The following CALN1 variants were observed in gnomAD, a reference collection of about 807,000 sequenced individuals.
The protein encoded by CALN1 is calcium-binding protein 8.
Under a neutral mutation model 30.6 loss-of-function variants are expected in CALN1, and 17 were observed. The observed-to-expected ratio is 0.56, with a 90% CI of 0.38 to 0.83. The LOEUF (loss-of-function observed/expected upper bound fraction) is 0.83, where lower values mean the gene tolerates loss of function less well. Ranked by LOEUF, CALN1 falls within the 40% of genes least tolerant of loss-of-function variation. CALN1 has a pLI of 0.00. For missense variants in CALN1, 291 were observed against 354.9 expected, an observed-to-expected ratio of 0.82 and a Z score of 1.45; for synonymous variants, 156 against 131.4, an observed-to-expected ratio of 1.19 and a Z score of -1.28.
the CALN1 span, among the ~76,000 whole-genome samples, chr7:72,483,274 C>CTTTTTT: frequency 9.3e-6 from 1 of 108,064 alleles, no homozygotes; most frequent in Non-Finnish European, 1.9e-5. Context: ...TTTCCTTTTT[C>CTTTTTT]TTTTTCTTTT....
chr7:72,090,948 AGAGAT>A (rs1187096599), intron 4 of CALN1, among the ~76,000 whole-genome samples: 1 of 152,192 alleles, frequency 6.6e-6, no homozygotes, highest in African/African-American at 2.4e-5. Flanking sequence ...TGGGGTAAGA[AGAGAT>A]GGCTAATGGG....
intron 5 of CALN1, among the ~76,000 whole-genome samples, chr7:72,012,963 T>C (rs1219157587): frequency 6.6e-6 from 1 of 152,070 alleles, no homozygotes; most frequent in Admixed American, 6.6e-5. Flanking sequence ...GCTTGGCTGA[T>C]TTTTTTGTAT....
At chr7:72,017,170 TAAAAAAAAA>T (rs58672373) in intron 5 of CALN1, among the ~76,000 whole-genome samples, 2 of 88,108 alleles carry the variant, frequency 2.3e-5, no homozygotes, top group East Asian at 5.7e-4. Context: ...TCTCAAAAAT[TAAAAAAAAA>T]AAAAAAAAAA....
Position 72,278,786 on chromosome 7 carries a change from C to G in CALN1, c.144G>C (p.Val48=), listed in dbSNP as rs1797536266. 1 of 1,613,518 alleles carries G rather than the reference C, an allele frequency of 6.2e-7. No homozygotes were observed. Among genetic ancestry groups the G allele is most frequent in the Admixed American group, 1.7e-5 (1 of 60,002 alleles). ...TCCCCTTGTACAACAAGCCGGCGGT[C>G]ACATGGTGGAACGGCATCTTTTCCC... ...PTWEKMPFHH[V]TAGLLYKGNY... The change falls in exon 3 of 7, where the codon GTG becomes GTC. Residue 48 remains valine, a synonymous_variant. Coordinates refer to ENST00000395275, the MANE Select transcript of CALN1 (RefSeq NM_031468.4).
intron 4 of CALN1, among the ~76,000 whole-genome samples, chr7:72,091,788 T>C (rs1805881594): frequency 6.6e-6 from 1 of 152,206 alleles, no homozygotes; most frequent in Admixed American, 6.5e-5. Flanking sequence ...AATGAAGGAA[T>C]GCAGGTCTAG....
chr7:72,362,337 AAG>A (rs1803622276), intron 2 of CALN1, among the ~76,000 whole-genome samples: 1 of 152,278 alleles, frequency 6.6e-6, no homozygotes, highest in East Asian at 1.9e-4. Context: ...GTACAGTCGC[AAG>A]AGTTTTGTAG....
intron 4 of CALN1, among the ~76,000 whole-genome samples, chr7:72,054,492 C>CACAT (rs1803095530): frequency 1.0e-5 from 1 of 96,182 alleles, no homozygotes; most frequent in African/African-American, 3.8e-5. Flanking sequence ...TATATATATA[C>CACAT]ATATATACAT....
chr7:71,894,648 TA>T (rs2116902619), intron 5 of CALN1, among the ~76,000 whole-genome samples: 1 of 152,316 alleles, frequency 6.6e-6, no homozygotes, highest in Admixed American at 6.5e-5. Flanking sequence ...GCCATTTCAA[TA>T]AAAGTTCCAT....
At chr7:72,399,767 T>C (rs1806215142) in intron 2 of CALN1, among the ~76,000 whole-genome samples, 2 of 152,196 alleles carry the variant, frequency 1.3e-5, no homozygotes, top group African/African-American at 2.4e-5. Flanking sequence ...ATTTGTCCCC[T>C]CCAAATCTCA....
At chr7:72,163,387 GA>G (rs1788265390) in intron 3 of CALN1, among the ~76,000 whole-genome samples, 1 of 53,156 alleles carries the variant, frequency 1.9e-5, no homozygotes, top group Non-Finnish European at 3.5e-5. Context: ...AAACTTATTG[GA>G]GATTAAAAAA....
rs1022283103 is a variant in CALN1, at chr7:72,197,666, C to CA, written c.244+81019dup. On this transcript the variant is annotated intron_variant, in intron 3 of 6. Transcript: ENST00000395275. ...ACAACAATGTGAGTTCTTGTCCCTA[C>CA]AAAAAAATAAATAAATAAATAAACA... 5.9e-5 allele frequency among the ~76,000 whole-genome samples: 9 copies of CA among 151,716 alleles called. 1 individual carries two copies. The highest frequency in any genetic ancestry group is 1.3e-4 in the Admixed American group (2 of 15,214).
chr7:72,440,102 C>T (rs1265544728), intron 1 of CALN1, among the ~76,000 whole-genome samples: 4 of 152,182 alleles, frequency 2.6e-5, no homozygotes, highest in African/African-American at 4.8e-5. Context: ...GACAACAAAA[C>T]TCAGAAAGCA....
chr7:72,396,883 T>C (rs1444238464), intron 2 of CALN1, among the ~76,000 whole-genome samples: 1 of 152,100 alleles, frequency 6.6e-6, no homozygotes, highest in African/African-American at 2.4e-5. Flanking sequence ...CCCATATCCT[T>C]GTAGAATCTT....
At chr7:72,368,672 C>T (rs1424538677) in intron 2 of CALN1, among the ~76,000 whole-genome samples, 1 of 152,040 alleles carries the variant, frequency 6.6e-6, no homozygotes, top group Admixed American at 6.6e-5. Flanking sequence ...GATACGCTTT[C>T]TCCCAAATGA....
chr7:71,794,885 G>A (rs1786797715), intron 6 of CALN1, among the ~76,000 whole-genome samples: 1 of 152,178 alleles, frequency 6.6e-6, no homozygotes, highest in African/African-American at 2.4e-5. Flanking sequence ...CCTAAGCTCA[G>A]CACATAAGAC....
chr7:72,334,657 G>A (rs555263298), intron 2 of CALN1, among the ~76,000 whole-genome samples: 2 of 152,314 alleles, frequency 1.3e-5, no homozygotes, highest in South Asian at 4.1e-4. Context: ...CCGAAGGCCT[G>A]ATTACTGGCA....
At chr7:72,061,460 T>C (rs1027671526) in intron 4 of CALN1, among the ~76,000 whole-genome samples, 1 of 150,744 alleles carries the variant, frequency 6.6e-6, no homozygotes, top group African/African-American at 2.4e-5. Context: ...AATGGGAAAA[T>C]AGAAAGTCTA....
intron 2 of CALN1, among the ~76,000 whole-genome samples, chr7:72,310,619 G>A (rs1032949998): frequency 6.6e-6 from 1 of 151,828 alleles, no homozygotes; most frequent in Admixed American, 6.6e-5. Flanking sequence ...AAACGTAAGA[G>A]CAGGCCAGGC....
At position 72,432,913 on chromosome 7, in the gene CALN1, A is replaced by G. The variant is rs139937510; in HGVS notation, c.-226+14129T>C. On this transcript the variant is annotated intron_variant, in intron 1 of 6. Transcript: ENST00000395276. ...AACTAACTAGATTTCCCTGCATTAC[A>G]TATTCATGTAATCGTGTTATCTTCT... Among the ~76,000 whole-genome samples, 431 of 152,294 alleles carry G rather than the reference A, an allele frequency of 2.8e-3. 2 individuals carry two copies. The highest frequency in any genetic ancestry group is 9.0e-3 in the African/African-American group (375 of 41,562).
Sources: gnomAD v4.1 joint callset for allele counts (sites outside exome capture counted in the v4.1 genomes callset) on GRCh38, gnomAD v4.1.1 for gene constraint, MANE v1.5 for transcripts, NCBI Gene and HGNC (gene_info 2026-07-23, HGNC 2026-07-21) for gene names.